The following LHX2 variants were observed in gnomAD, a reference collection of about 807,000 sequenced individuals.
LHX2 encodes the protein LIM homeobox 2, also known as LIM/homeobox protein Lhx2.
A neutral mutation model predicts 33.0 loss-of-function variants in LHX2; 6 were observed. The ratio of observed to expected loss-of-function variants is 0.18; its 90% CI spans 0.10 to 0.36. The LOEUF (loss-of-function observed/expected upper bound fraction) is 0.36, where lower values mean the gene tolerates loss of function less well. Ranked by LOEUF, LHX2 falls within the 10% of genes least tolerant of loss-of-function variation. The probability of loss-of-function intolerance (pLI) is 1.00; values close to 1 mark genes in which losing one functional copy is unlikely to be tolerated. For synonymous variants in LHX2, 292 were observed against 253.1 expected (o/e 1.15, Z -1.46); for missense variants, 442 against 586.2 (o/e 0.75, Z 2.54).
intron 3 of LHX2, among the ~76,000 whole-genome samples, chr9:124,020,813 G>GCTA (rs1564550356): frequency 6.6e-6 from 1 of 152,246 alleles, no homozygotes; most frequent in South Asian, 2.1e-4. Flanking sequence ...TGCTGCTGCT[G>GCTA]CTACTATTGT....
rs553818101 is a variant in LHX2 at position 124,015,583 on chromosome 9, A to T, written c.727+58A>T. 1 of 1,431,992 alleles carries T rather than the reference A, an allele frequency of 7.0e-7. No homozygotes were observed. Among genetic ancestry groups the T allele is most frequent in the Non-Finnish European group, 9.2e-7 (1 of 1,085,822 alleles). 88.7% of individuals were successfully genotyped at this position (1,431,992 alleles called of 1,614,324 possible). Reference sequence around the variant, plus strand: ...GGTTGGGGGAAAGTGTGCGGCCTCGACGGCCGGGAGCTGGATTGAATCTCT... The same window carrying T: ...GGTTGGGGGAAAGTGTGCGGCCTCGTCGGCCGGGAGCTGGATTGAATCTCT... On this transcript the variant is annotated intron_variant, in intron 3 of 4. Transcript: ENST00000373615. The surrounding 1 kb of genome is among the most constrained non-coding windows in gnomAD (Gnocchi z 7.9).
At chr9:124,013,897 C>G (rs1859136205) in intron 1 of LHX2, 64 bp from the exon 2 acceptor site, 1 of 1,521,500 alleles carries the variant, frequency 6.6e-7, no homozygotes, top group Non-Finnish European at 9.0e-7. Flanking sequence ...TGCCGGTTTC[C>G]CGGCGGCGGA....
intron 4 of LHX2, among the ~76,000 whole-genome samples, chr9:124,027,072 T>C (rs1191556144): frequency 1.3e-5 from 2 of 152,158 alleles, no homozygotes; most frequent in African/African-American, 4.8e-5. Context: ...AAATCAAGAC[T>C]CAGAGAGGTG....
At chr9:124,017,482 C>T (rs1001382386) in intron 3 of LHX2, among the ~76,000 whole-genome samples, 2 of 152,304 alleles carry the variant, frequency 1.3e-5, no homozygotes, top group African/African-American at 2.4e-5. Context: ...GAGAAATGGC[C>T]GCAGTGTGGG....
At chr9:124,017,761 C>T (rs1588346820) in intron 3 of LHX2, among the ~76,000 whole-genome samples, 1 of 151,674 alleles carries the variant, frequency 6.6e-6, no homozygotes. Flanking sequence ...CGTCGGGGCG[C>T]CGGGCGCTGG....
intron 3 of LHX2, among the ~76,000 whole-genome samples, chr9:124,018,510 T>A (rs1859234921): frequency 6.6e-6 from 1 of 152,038 alleles, no homozygotes; most frequent in African/African-American, 2.4e-5. Context: ...CTTTCCCTTT[T>A]TCTCCACTCC....
At position 124,012,518 on chromosome 9, in the gene LHX2, CCAGT is replaced by C; in HGVS notation, c.120+54_120+57del. 6.9e-7 allele frequency: 1 copy of C among 1,451,884 alleles called. No homozygotes were observed. The highest frequency in any genetic ancestry group is 9.1e-7 in the Non-Finnish European group (1 of 1,102,480). 89.9% of individuals were successfully genotyped at this position (1,451,884 alleles called of 1,614,324 possible). A position where few individuals can be genotyped will look rare whatever the true frequency, so the allele number is the denominator to read the frequency against. ...GGCTGAGAGCTGGGATGGGGCCGGG[CCAGT>C]CAGCGCCTCTGCTCCCCGAAGTTTG... On this transcript the variant is annotated intron_variant, in intron 1 of 4. Coordinates refer to ENST00000373615, the MANE Select transcript of LHX2 (RefSeq NM_004789.4). The surrounding 1 kb of genome is among the most constrained non-coding windows in gnomAD (Gnocchi z 4.3).
At chr9:124,018,194 G>A (rs1859226653) in intron 3 of LHX2, among the ~76,000 whole-genome samples, 1 of 151,948 alleles carries the variant, frequency 6.6e-6, no homozygotes, top group Non-Finnish European at 1.5e-5. Flanking sequence ...GAAACCCGAT[G>A]GGTTAATAAC....
At position 124,015,029 on chromosome 9, in the gene LHX2, A is replaced by C; in HGVS notation, c.324-93A>C. ...CCGGGTTGTTCGTCTTGAGGAGGGG[A>C]TTGCCCCCCGCAGCAGCAGCGGCAC... On this transcript the variant is annotated intron_variant, in intron 2 of 4. Coordinates refer to ENST00000373615, the MANE Select transcript of LHX2 (RefSeq NM_004789.4). This position sits in a 1 kb window ranked among gnomAD's most constrained non-coding sequence, Gnocchi z 7.9. The C allele has an allele frequency of 6.9e-7, 1 of 1,454,916 alleles. No individual in the cohort carries two copies. 90.1% of individuals were successfully genotyped at this position (1,454,916 alleles called of 1,614,324 possible).
rs763527047 is a variant in LHX2, at chr9:124,012,342, C to T, written c.-7C>T. 6.1e-5 allele frequency: 92 copies of T among 1,496,946 alleles called. No homozygotes were observed. The highest frequency in any genetic ancestry group is 4.7e-4 in the South Asian group (38 of 80,348). The allele number at this position is 1,496,946 out of a possible 1,614,324, so 92.7% of individuals were successfully genotyped here. ...GCCGCGCCCCCGGCCCCGCCGGTCC[C>T]GCCGCGATGCTGTTCCACAGTCTGT... On this transcript the variant is annotated 5_prime_UTR_variant, in exon 1 of 5. Coordinates refer to ENST00000373615, the MANE Select transcript of LHX2 (RefSeq NM_004789.4). The surrounding 1 kb of genome is among the most constrained non-coding windows in gnomAD (Gnocchi z 4.3).
At position 124,032,848 on chromosome 9, in the gene LHX2, AG is replaced by A. The variant is rs1252872894; in HGVS notation, c.*142del. On this transcript the variant is annotated 3_prime_UTR_variant, in exon 5 of 5. Coordinates refer to ENST00000373615, the MANE Select transcript of LHX2 (RefSeq NM_004789.4). This position sits in a 1 kb window ranked among gnomAD's most constrained non-coding sequence, Gnocchi z 4.1. ...TCGCCTGGAAACAGAGGTAAAAAAA[AG>A]AAGTGTGCGCCCGGCTAATGCAGCG... is the stretch of plus-strand genomic sequence containing the variant. 2.0e-5 allele frequency: 19 copies of A among 960,244 alleles called. 1 individual carries two copies. The highest frequency in any genetic ancestry group is 3.0e-5 in the Admixed American group (1 of 33,164). 59.5% of individuals were successfully genotyped at this position (960,244 alleles called of 1,614,324 possible). A position where few individuals can be genotyped will look rare whatever the true frequency, so the allele number is the denominator to read the frequency against.
At chr9:124,022,386 C>T (rs1859308611) in intron 4 of LHX2, among the ~76,000 whole-genome samples, 1 of 152,212 alleles carries the variant, frequency 6.6e-6, no homozygotes, top group Non-Finnish European at 1.5e-5. Context: ...AGCAATTATT[C>T]TGGTAGTGGA....
rs558703408 is a variant in LHX2 at position 124,025,203 on chromosome 9, C to T, written c.933+3899C>T. On this transcript the variant is annotated intron_variant, in intron 4 of 4. Coordinates refer to ENST00000373615, the MANE Select transcript of LHX2 (RefSeq NM_004789.4). ...CCTGTAATCCCAGCACTTTGGGAGG[C>T]AGGCCGAGGCGGGCGGATTACAAGG... is the stretch of plus-strand genomic sequence containing the variant. Among the ~76,000 whole-genome samples, 273 of 152,212 alleles carry T rather than the reference C, an allele frequency of 1.8e-3. 1 individual carries two copies. The highest frequency in any genetic ancestry group is 6.2e-3 in the African/African-American group (257 of 41,528).
chr9:124,018,589 G>A (rs916848264), intron 3 of LHX2, among the ~76,000 whole-genome samples: 1 of 151,816 alleles, frequency 6.6e-6, no homozygotes, highest in African/African-American at 2.4e-5. Context: ...CGCAGGGACC[G>A]GGTCTCCCGG....
chr9:124,014,214 C>A lies in LHX2; in HGVS notation c.323+51C>A. On this transcript the variant is annotated intron_variant, in intron 2 of 4. Coordinates refer to ENST00000373615, the MANE Select transcript of LHX2 (RefSeq NM_004789.4). This position sits in a 1 kb window ranked among gnomAD's most constrained non-coding sequence, Gnocchi z 4.8. ...CAGGACCCCTCCCCCCAATCTCAGG[C>A]ACAGTCTTACAGTTTGGCCCTCTCC... 7.7e-7 allele frequency: 1 copy of A among 1,299,260 alleles called. No individual in the cohort carries two copies. Among genetic ancestry groups the A allele is most frequent in the Non-Finnish European group, 1.1e-6 (1 of 921,718 alleles). 80.5% of individuals were successfully genotyped at this position (1,299,260 alleles called of 1,614,324 possible).
At chr9:124,025,477 A>G (rs953370655) in intron 4 of LHX2, among the ~76,000 whole-genome samples, 1 of 151,076 alleles carries the variant, frequency 6.6e-6, no homozygotes, top group African/African-American at 2.4e-5. Context: ...TTTAAGCCTT[A>G]CAAATGCATG....
chr9:124,014,884 A>G lies in LHX2; in HGVS notation c.324-238A>G, dbSNP rs1385230037. 6.6e-6 allele frequency among the ~76,000 whole-genome samples: 1 copy of G among 152,122 alleles called. No homozygotes were observed. Among genetic ancestry groups the G allele is most frequent in the Non-Finnish European group, 1.5e-5 (1 of 68,016 alleles). On this transcript the variant is annotated intron_variant, in intron 2 of 4. Coordinates refer to ENST00000373615, the MANE Select transcript of LHX2 (RefSeq NM_004789.4). This position sits in a 1 kb window ranked among gnomAD's most constrained non-coding sequence, Gnocchi z 4.8. ...GTAAAGGCTTTCCTAGGGCTTGCGG[A>G]GACTCTGGGTGAAGTAGAAGTCTCT...
chr9:124,022,442 C>G (rs1020958034), intron 4 of LHX2, among the ~76,000 whole-genome samples: 4 of 152,208 alleles, frequency 2.6e-5, no homozygotes, highest in African/African-American at 9.6e-5. Context: ...ACAATGCCTC[C>G]CTTGATAGCA....
chr9:124,021,244 C>G lies in LHX2; in HGVS notation c.873C>G (p.Pro291=), dbSNP rs759841029. 7 of 1,614,182 alleles carry G rather than the reference C, an allele frequency of 4.3e-6. No individual in the cohort carries two copies. The Admixed American group carries it at 5.0e-5, about 12-fold the overall frequency. Residue 291 remains proline, a synonymous_variant, in exon 4 of 5, where the codon CCC becomes CCG. Coordinates refer to ENST00000373615, the MANE Select transcript of LHX2 (RefSeq NM_004789.4). ...MKSYFAINHN[P]DAKDLKQLAQ... ...CTTACTTTGCCATTAACCACAACCC[C>G]GACGCCAAGGACTTGAAGCAGCTCG...
Sources: gnomAD v4.1 joint callset for allele counts (sites outside exome capture counted in the v4.1 genomes callset) on GRCh38, gnomAD v4.1.1 for gene constraint, Gnocchi (gnomAD v3.1) non-coding constraint, MANE v1.5 for transcripts, NCBI Gene and HGNC (gene_info 2026-07-23, HGNC 2026-07-21) for gene names.